Variants in NFKBIZ observed in about 807,000 individuals in gnomAD.
NFKBIZ encodes NFKB inhibitor zeta.
NFKBIZ carries 19 observed loss-of-function variants against 76.8 expected under a neutral mutation model. The ratio of observed to expected loss-of-function variants is 0.25; its 90% CI spans 0.17 to 0.36. NFKBIZ has a LOEUF of 0.36. Ranked by LOEUF, NFKBIZ falls within the 10% of genes least tolerant of loss-of-function variation. NFKBIZ has a pLI of 1.00. For missense variants in NFKBIZ, 829 were observed against 910.9 expected (o/e 0.91, Z 1.16); for synonymous variants, 368 against 354.8 (o/e 1.04, Z -0.42).
chr3:101,847,386 G>A (rs1576811757), upstream of NFKBIZ, among the ~76,000 whole-genome samples: 1 of 152,236 alleles, frequency 6.6e-6, no homozygotes, highest in African/African-American at 2.4e-5. Flanking sequence ...CAAAAAGTTG[G>A]AGGGAGAGGC....
At chr3:101,856,524 G>GGTA (rs10662144) in intron 9 of NFKBIZ, among the ~76,000 whole-genome samples, 123,102 of 151,922 alleles carry the variant, frequency 0.81, 50,439 homozygotes, top group African/African-American at 0.93. Flanking sequence ...TGAGAATAAA[G>GGTA]GTGCTTTTTG....
At chr3:101,857,261 G>C in intron 10 of NFKBIZ, 31 bp from the exon 11 acceptor site, 1 of 1,613,194 alleles carries the variant, frequency 6.2e-7, no homozygotes. Context: ...CCCCCTTCCT[G>C]ATGTCTGATA....
intron 2 of NFKBIZ, among the ~76,000 whole-genome samples, chr3:101,833,676 T>C (rs1351559732): frequency 1.3e-5 from 2 of 152,194 alleles, no homozygotes; most frequent in Non-Finnish European, 2.9e-5. Context: ...GAGGCTGATA[T>C]ATCATGGACC....
intron 2 of NFKBIZ, among the ~76,000 whole-genome samples, chr3:101,837,760 A>G (rs984319481): frequency 6.6e-6 from 1 of 152,174 alleles, no homozygotes; most frequent in Non-Finnish European, 1.5e-5. Context: ...GACGTTTAAC[A>G]CTGTATGGAA....
intron 2 of NFKBIZ, among the ~76,000 whole-genome samples, chr3:101,839,287 T>C (rs1429864374): frequency 5.9e-5 from 9 of 152,178 alleles, no homozygotes; most frequent in Non-Finnish European, 1.2e-4. Flanking sequence ...ATTAAAATTC[T>C]TCTTGAAAAA....
chr3:101,831,590 TCTCCTTCTCCTTCTTCTC>T (rs1427246058), intron 2 of NFKBIZ, among the ~76,000 whole-genome samples: 1 of 152,022 alleles, frequency 6.6e-6, no homozygotes, highest in Non-Finnish European at 1.5e-5. Flanking sequence ...TCCTCCTTTT[TCTCCTTCTCCTTCTTCTC>T]CTCCTTCTCC....
rs1179994587 is a variant in NFKBIZ at position 101,855,138 on chromosome 3, A to G, written c.1520A>G (p.Asn507Ser). The part of the protein sequence containing the change: ...QDLVNIGAQV[N>S]TTDCWGRTPL... ...CTGGTGAACATCGGGGCACAGGTGA[A>G]CACCACAGACTGCTGGGGAAGAACA... Residue 507 changes from asparagine (N) to serine (S), a missense_variant, in exon 7 of 12, where the codon AAC becomes AGC. This residue lies in a region of NFKBIZ where 272 missense variants were observed against 384.2 expected (regional missense o/e 0.71). Coordinates refer to ENST00000326172, the MANE Select transcript of NFKBIZ (RefSeq NM_031419.4). 3.1e-6 allele frequency: 5 copies of G among 1,614,126 alleles called. No homozygotes were observed. Among genetic ancestry groups the G allele is most frequent in the Admixed American group, 1.7e-5 (1 of 59,996 alleles).
At chr3:101,841,666 A>G (rs1034027941) in intron 2 of NFKBIZ, among the ~76,000 whole-genome samples, 1 of 152,210 alleles carries the variant, frequency 6.6e-6, no homozygotes, top group African/African-American at 2.4e-5. Flanking sequence ...TGGGGATAAT[A>G]AATTATTATT....
At chr3:101,857,903 G>T (rs1943074062) in intron 11 of NFKBIZ, 1 of 867,346 alleles carries the variant, frequency 1.2e-6, no homozygotes. Flanking sequence ...AACATCAATA[G>T]TTAGAATTAT....
At chr3:101,839,298 A>G (rs1455508505) in intron 2 of NFKBIZ, among the ~76,000 whole-genome samples, 1 of 152,194 alleles carries the variant, frequency 6.6e-6, no homozygotes, top group Non-Finnish European at 1.5e-5. Flanking sequence ...TCTTGAAAAA[A>G]TGTGGCATAT....
At chr3:101,843,066 T>C (rs1436348069) in intron 2 of NFKBIZ, among the ~76,000 whole-genome samples, 1 of 150,814 alleles carries the variant, frequency 6.6e-6, no homozygotes, top group Non-Finnish European at 1.5e-5. Flanking sequence ...CAAACAGTAT[T>C]GTTTCACATC....
chr3:101,857,003 G>A, intron 9 of NFKBIZ, 70 bp from the exon 10 acceptor site: 1 of 1,118,386 alleles, frequency 8.9e-7, no homozygotes, highest in Non-Finnish European at 1.3e-6. Flanking sequence ...GAGACTGGGT[G>A]AAAAGTGTAT....
In NFKBIZ at chr3:101,855,234, A is replaced by G. The variant is rs763146817; in HGVS notation, c.1590+26A>G. The G allele has an allele frequency of 3.1e-6, 5 of 1,602,016 alleles. No homozygotes were observed. In the South Asian group the frequency reaches 5.6e-5, roughly 18 times the overall value. The stretch of plus-strand genomic sequence containing the variant: ...GTAAGAGGCAGCAAACCAGGCTTCC[A>G]TCATTGCAAGGCCAGAGAGATAGAG... On this transcript the variant is annotated intron_variant, in intron 7 of 11. Coordinates refer to ENST00000326172, the MANE Select transcript of NFKBIZ (RefSeq NM_031419.4).
At chr3:101,843,154 A>G (rs918514220) in intron 2 of NFKBIZ, among the ~76,000 whole-genome samples, 2 of 151,756 alleles carry the variant, frequency 1.3e-5, no homozygotes, top group Non-Finnish European at 2.9e-5. Flanking sequence ...GTTGCAGTTG[A>G]CCAGGTGCAG....
rs539328446 is a variant in NFKBIZ, at chr3:101,857,090, C to T, written c.1842C>T (p.Arg614=). The T allele has an allele frequency of 2.2e-5, 35 of 1,612,890 alleles. No homozygotes were observed. The highest frequency in any genetic ancestry group is 2.1e-4 in the African/African-American group (16 of 74,906). The change falls in exon 10 of 12, where the codon CGC becomes CGT. Residue 614 remains arginine, a synonymous_variant. Coordinates refer to ENST00000326172, the MANE Select transcript of NFKBIZ (RefSeq NM_031419.4). ...TTGACAAGGATCGCAAAAGTGGCCG[C>T]ACAGCCCTGCATTTGGCAGCTGAAG... ...AVEAKDRKSG[R]TALHLAAEEA... is the part of the protein sequence containing the mutation.
At chr3:101,839,690 TC>T (rs1942764710) in intron 2 of NFKBIZ, among the ~76,000 whole-genome samples, 1 of 152,202 alleles carries the variant, frequency 6.6e-6, no homozygotes, top group African/African-American at 2.4e-5. Flanking sequence ...GAAGGGTCTT[TC>T]GTCAAAAATT....
Position 101,859,515 on chromosome 3 carries a change from G to A in NFKBIZ, c.*144G>A. The A allele has an allele frequency of 2.0e-6, 1 of 495,564 alleles. No individual in the cohort carries two copies. Among genetic ancestry groups the A allele is most frequent in the Non-Finnish European group, 3.6e-6 (1 of 277,264 alleles). 30.7% of individuals were successfully genotyped at this position (495,564 alleles called of 1,614,324 possible). A position where few individuals can be genotyped will look rare whatever the true frequency, so the allele number is the denominator to read the frequency against. ...ATATTTAGTTCACTATTATATAGTG[G>A]GTTATATTAAAAGAAAAGAAGAAAA... On this transcript the variant is annotated 3_prime_UTR_variant, in exon 12 of 12. Coordinates refer to ENST00000326172, the MANE Select transcript of NFKBIZ (RefSeq NM_031419.4).
At chr3:101,831,950 G>A (rs1312927392) in intron 2 of NFKBIZ, among the ~76,000 whole-genome samples, 1 of 152,008 alleles carries the variant, frequency 6.6e-6, no homozygotes, top group Non-Finnish European at 1.5e-5. Flanking sequence ...ACCCAAGCTG[G>A]AGTGCAGTGG....
At chr3:101,856,758 G>T (rs1172629719) in intron 9 of NFKBIZ, 2 of 212,366 alleles carry the variant, frequency 9.4e-6, no homozygotes, top group Admixed American at 1.1e-4. Flanking sequence ...GGAAATGTAG[G>T]TGAATACATA....
Sources: gnomAD v4.1 joint callset for allele counts (sites outside exome capture counted in the v4.1 genomes callset) on GRCh38, gnomAD v4.1.1 for gene constraint, gnomAD v4.1.1 regional missense constraint, MANE v1.5 for transcripts, NCBI Gene and HGNC (gene_info 2026-07-23, HGNC 2026-07-21) for gene names.